The following PDZRN4 variants were observed in gnomAD, a reference collection of about 807,000 sequenced individuals.
PDZRN4 encodes PDZ domain containing ring finger 4.
A neutral mutation model predicts 99.0 loss-of-function variants in PDZRN4; 70 were observed. The observed-to-expected ratio is 0.71, with a 90% CI of 0.58 to 0.86. PDZRN4 has a LOEUF of 0.86. Ranked by LOEUF, PDZRN4 falls within the 40% of genes least tolerant of loss-of-function variation. The probability of loss-of-function intolerance (pLI) is 0.00; values close to 1 mark genes in which losing one functional copy is unlikely to be tolerated. For synonymous variants in PDZRN4, 551 were observed against 501.6 expected (o/e 1.10, Z -1.32); for missense variants, 1,474 against 1,331.2 (o/e 1.11, Z -1.67).
chr12:41,369,390 G>T (rs1375581414), intron 3 of PDZRN4, among the ~76,000 whole-genome samples: 2 of 152,022 alleles, frequency 1.3e-5, no homozygotes, highest in African/African-American at 4.8e-5. Context: ...GATCAATACG[G>T]TTACCTTTTC....
intron 3 of PDZRN4, among the ~76,000 whole-genome samples, chr12:41,261,105 A>G (rs569337048): frequency 6.6e-6 from 1 of 152,282 alleles, no homozygotes; most frequent in East Asian, 1.9e-4. Flanking sequence ...TAAAAGACAT[A>G]GGATTCTCTG....
chr12:41,336,701 A>C (rs930507405), intron 3 of PDZRN4, among the ~76,000 whole-genome samples: 1 of 152,022 alleles, frequency 6.6e-6, no homozygotes, highest in African/African-American at 2.4e-5. Flanking sequence ...CAGGGATCAA[A>C]GTTTTTAAAG....
chr12:41,490,292 G>A (rs375546681), intron 3 of PDZRN4, among the ~76,000 whole-genome samples: 1 of 152,210 alleles, frequency 6.6e-6, no homozygotes, highest in South Asian at 2.1e-4. Context: ...GGTCTACATT[G>A]GTAGCAAATG....
At chr12:41,468,814 C>T (rs1379144591) in intron 3 of PDZRN4, among the ~76,000 whole-genome samples, 5 of 152,264 alleles carry the variant, frequency 3.3e-5, no homozygotes, top group African/African-American at 9.6e-5. Flanking sequence ...TTCTAATAAG[C>T]CTTTTTTACT....
intron 2 of PDZRN4, among the ~76,000 whole-genome samples, chr12:41,192,318 C>T (rs1950740590): frequency 6.6e-6 from 1 of 151,850 alleles, no homozygotes; most frequent in African/African-American, 2.4e-5. Context: ...CAAAGCTGGT[C>T]TCGAACTCCT....
intron 3 of PDZRN4, among the ~76,000 whole-genome samples, chr12:41,451,148 A>C (rs2120501333): frequency 7.1e-6 from 1 of 141,286 alleles, no homozygotes; most frequent in East Asian, 2.2e-4. Flanking sequence ...ATTTAATACT[A>C]TTTCCTTGGA....
At chr12:41,538,624 G>A (rs941060132) in intron 5 of PDZRN4, among the ~76,000 whole-genome samples, 1 of 151,906 alleles carries the variant, frequency 6.6e-6, no homozygotes, top group Middle Eastern at 3.2e-3. Context: ...CTCTTTAAAG[G>A]CCCAAGGAAA....
Position 41,304,486 on chromosome 12 carries a change from C to T in PDZRN4, c.843+110298C>T, listed in dbSNP as rs569538964. Among the ~76,000 whole-genome samples the T allele has an allele frequency of 5.3e-5, 8 of 152,298 alleles. No individual in the cohort carries two copies. The South Asian group carries it at 1.4e-3, about 28-fold the overall frequency. On this transcript the variant is annotated intron_variant, in intron 3 of 9. Transcript: ENST00000402685. Reference sequence around the variant, plus strand: ...CTCAGTGCTCTCTTCCCAGGAATTTCAATACCTCAGATATATCATATATTT... The same window carrying T: ...CTCAGTGCTCTCTTCCCAGGAATTTTAATACCTCAGATATATCATATATTT...
chr12:41,303,773 G>C (rs1951552130), intron 3 of PDZRN4, among the ~76,000 whole-genome samples: 1 of 152,136 alleles, frequency 6.6e-6, no homozygotes, highest in South Asian at 2.1e-4. Context: ...ATGTGCTCTT[G>C]CTTTTTCAGA....
intron 3 of PDZRN4, among the ~76,000 whole-genome samples, chr12:41,305,561 G>T (rs1481834266): frequency 2.6e-5 from 4 of 152,066 alleles, no homozygotes; most frequent in African/African-American, 4.8e-5. Flanking sequence ...TATGGCAAAG[G>T]TAGTGAGGGA....
chr12:41,412,017 T>A (rs1458164), intron 3 of PDZRN4: 2 of 152,230 alleles, frequency 1.3e-5, no homozygotes, highest in South Asian at 4.1e-4. Flanking sequence ...GGTATATGTC[T>A]AGGGCAGTTT....
At chr12:41,453,815 T>TG (rs1370574730) in intron 3 of PDZRN4, among the ~76,000 whole-genome samples, 1 of 151,502 alleles carries the variant, frequency 6.6e-6, no homozygotes, top group Non-Finnish European at 1.5e-5. Context: ...AGATTTAGAG[T>TG]GGGGGGTTTC....
chr12:41,460,631 C>T (rs894059134), intron 3 of PDZRN4, among the ~76,000 whole-genome samples: 6 of 152,090 alleles, frequency 3.9e-5, no homozygotes, highest in Non-Finnish European at 7.4e-5. Context: ...GAAGTTGTGA[C>T]GTATTTTGCA....
chr12:41,315,935 C>A (rs537597423), intron 3 of PDZRN4, among the ~76,000 whole-genome samples: 1 of 152,088 alleles, frequency 6.6e-6, no homozygotes, highest in Non-Finnish European at 1.5e-5. Flanking sequence ...CTCTCAGTGA[C>A]CCTGTGAATG....
intron 3 of PDZRN4, among the ~76,000 whole-genome samples, chr12:41,323,627 A>G (rs535404144): frequency 6.6e-6 from 1 of 152,104 alleles, no homozygotes; most frequent in South Asian, 2.1e-4. Flanking sequence ...AATTTGAAAT[A>G]TATGCTTTAA....
At chr12:41,561,666 G>A (rs949530790) in intron 7 of PDZRN4, among the ~76,000 whole-genome samples, 18 of 150,426 alleles carry the variant, frequency 1.2e-4, no homozygotes, top group African/African-American at 4.1e-4. Flanking sequence ...GAAGTGAGAA[G>A]TATATTTCAA....
At chr12:41,452,359 A>T (rs932582093) in intron 3 of PDZRN4, among the ~76,000 whole-genome samples, 11 of 151,734 alleles carry the variant, frequency 7.2e-5, no homozygotes, top group African/African-American at 2.2e-4. Context: ...GAATGGTGTG[A>T]ACCTGGGAGG....
Position 41,490,924 on chromosome 12 carries a change from A to T in PDZRN4, c.844-15532A>T, listed in dbSNP as rs528002640. Reference sequence around the variant, plus strand: ...AGTACATAACTCAGATTCATATCTGAGTCAGAATAATCTTTCATGGGTTCC... The same window carrying T: ...AGTACATAACTCAGATTCATATCTGTGTCAGAATAATCTTTCATGGGTTCC... On this transcript the variant is annotated intron_variant, in intron 3 of 9. Coordinates refer to ENST00000402685, the MANE Select transcript of PDZRN4 (RefSeq NM_001164595.2). Among the ~76,000 whole-genome samples, 6 of 152,262 alleles carry T rather than the reference A, an allele frequency of 3.9e-5. 1 individual carries two copies. The highest frequency in any genetic ancestry group is 3.4e-3 in the Middle Eastern group (1 of 294).
chr12:41,226,368 C>T (rs2120738144), intron 3 of PDZRN4, among the ~76,000 whole-genome samples: 1 of 151,780 alleles, frequency 6.6e-6, no homozygotes, highest in East Asian at 1.9e-4. Flanking sequence ...TTTTTCCTAT[C>T]TACTTCTCAC....
Sources: allele counts gnomAD v4.1 joint callset (sites outside exome capture counted in the v4.1 genomes callset), GRCh38; gene constraint gnomAD v4.1.1; transcripts MANE v1.5; gene names NCBI Gene and HGNC (gene_info 2026-07-23, HGNC 2026-07-21).